The following TMPRSS11A variants were observed in gnomAD, a reference collection of about 807,000 sequenced individuals.
TMPRSS11A encodes transmembrane protease serine 11A.
In TMPRSS11A, 53 loss-of-function variants were observed where a neutral mutation model predicts 58.9. The observed-to-expected ratio is 0.90, with a 90% CI of 0.72 to 1.13. The LOEUF is 1.13. Among genes scored for constraint, TMPRSS11A ranks in the 50% most tolerant of loss-of-function variants. The probability of loss-of-function intolerance (pLI) is 0.00; values close to 1 mark genes in which losing one functional copy is unlikely to be tolerated. For synonymous variants in TMPRSS11A, 167 were observed against 169.8 expected (o/e 0.98, Z 0.13); for missense variants, 493 against 499.3 (o/e 0.99, Z 0.12).
intron 7 of TMPRSS11A, among the ~76,000 whole-genome samples, chr4:67,919,895 T>A (rs1050173859): frequency 1.3e-5 from 2 of 152,002 alleles, no homozygotes; most frequent in Non-Finnish European, 2.9e-5. Context: ...GGGACTAGAT[T>A]TTAGAGTGTT....
intron 4 of TMPRSS11A, among the ~76,000 whole-genome samples, chr4:67,930,456 G>A (rs571962309): frequency 1.3e-5 from 2 of 151,974 alleles, no homozygotes; most frequent in Non-Finnish European, 2.9e-5. Flanking sequence ...TTCTAAAGAG[G>A]CTTGTTTCTC....
At chr4:67,926,684 C>T (rs1720480490) in intron 5 of TMPRSS11A, among the ~76,000 whole-genome samples, 1 of 152,190 alleles carries the variant, frequency 6.6e-6, no homozygotes, top group Admixed American at 6.5e-5. Flanking sequence ...AGAAGGTGGA[C>T]AGTCCTTGGA....
chr4:67,918,912 G>A, intron 8 of TMPRSS11A, 61 bp downstream of exon 8: 1 of 1,571,856 alleles, frequency 6.4e-7, no homozygotes, highest in Non-Finnish European at 8.7e-7. Flanking sequence ...TATTGATGGA[G>A]ATGAAATCAC....
At chr4:67,937,245 T>C (rs1455896692) in intron 3 of TMPRSS11A, among the ~76,000 whole-genome samples, 2 of 152,178 alleles carry the variant, frequency 1.3e-5, no homozygotes, top group Non-Finnish European at 1.5e-5. Context: ...CTTCCAACTA[T>C]AGATTGTTCA....
chr4:67,961,482 CCTTTTTTTTTTTTTTTTTTTT>C (rs774250304), intron 1 of TMPRSS11A, among the ~76,000 whole-genome samples: 44,303 of 102,288 alleles, frequency 0.43, 11,908 homozygotes, highest in Non-Finnish European at 0.5. Flanking sequence ...CTTTTCTTTT[CCTTTTTTTTTTTTTTTTTTTT>C]TTTTTTTTTT....
intron 5 of TMPRSS11A, among the ~76,000 whole-genome samples, chr4:67,928,253 C>T (rs1016424239): frequency 1.2e-4 from 19 of 152,128 alleles, no homozygotes; most frequent in African/African-American, 3.9e-4. Flanking sequence ...ACCATATTGG[C>T]CAGGCTGGTC....
chr4:67,958,681 G>C (rs1213351087), intron 1 of TMPRSS11A, among the ~76,000 whole-genome samples: 1 of 152,138 alleles, frequency 6.6e-6, no homozygotes, highest in African/African-American at 2.4e-5. Context: ...TTAAGACTTT[G>C]GATGACTGTT....
At chr4:67,938,938 CTT>C (rs2109755791) in intron 3 of TMPRSS11A, among the ~76,000 whole-genome samples, 1 of 149,992 alleles carries the variant, frequency 6.7e-6, no homozygotes, top group South Asian at 2.2e-4. Flanking sequence ...CTTTTTCTAA[CTT>C]TGTGTGGAAA....
In TMPRSS11A at chr4:67,925,217, C is replaced by A. The variant is rs1208930074; in HGVS notation, c.482-1051G>T. ...AAAGTGAGGAGTTTGACTAAGGAAA[C>A]ACAAATATTTAAACTTGTATACATG... On this transcript the variant is annotated intron_variant, in intron 5 of 9. Coordinates refer to ENST00000508048, the MANE Select transcript of TMPRSS11A (RefSeq NM_001114387.2). 6.6e-5 allele frequency among the ~76,000 whole-genome samples: 10 copies of A among 152,142 alleles called. No homozygotes were observed. In the East Asian group the frequency reaches 1.9e-3, roughly 29 times the overall value.
At chr4:67,925,379 T>A (rs1215907433) in intron 5 of TMPRSS11A, among the ~76,000 whole-genome samples, 2 of 152,210 alleles carry the variant, frequency 1.3e-5, no homozygotes, top group Non-Finnish European at 2.9e-5. Flanking sequence ...CTTAGCTTAT[T>A]GAGCAGATGA....
chr4:67,953,314 G>C (rs1721207673), intron 1 of TMPRSS11A, among the ~76,000 whole-genome samples: 1 of 152,006 alleles, frequency 6.6e-6, no homozygotes, highest in African/African-American at 2.4e-5. Context: ...GCCTTTAATG[G>C]TTTCAAATGA....
At chr4:67,917,217 T>C (rs1198625065) in intron 8 of TMPRSS11A, among the ~76,000 whole-genome samples, 1 of 152,140 alleles carries the variant, frequency 6.6e-6, no homozygotes, top group Non-Finnish European at 1.5e-5. Context: ...AACTTAATTA[T>C]TGATTTGATA....
At chr4:67,934,220 T>C (rs1355351399) in intron 3 of TMPRSS11A, among the ~76,000 whole-genome samples, 2 of 152,182 alleles carry the variant, frequency 1.3e-5, no homozygotes, top group African/African-American at 2.4e-5. Flanking sequence ...GACAACGCTT[T>C]GAGAAATGGG....
intron 5 of TMPRSS11A, among the ~76,000 whole-genome samples, chr4:67,924,413 C>T (rs1470331572): frequency 2.0e-5 from 3 of 152,172 alleles, no homozygotes; most frequent in African/African-American, 7.2e-5. Context: ...TAGTGGATGA[C>T]TAAAGCCCAC....
intron 1 of TMPRSS11A, among the ~76,000 whole-genome samples, chr4:67,957,110 A>G (rs1245168507): frequency 1.3e-5 from 2 of 152,184 alleles, no homozygotes; most frequent in African/African-American, 4.8e-5. Flanking sequence ...CTGTGAGTCC[A>G]TTAGACCTCT....
At chr4:67,961,662 G>A (rs1428388392) in intron 1 of TMPRSS11A, among the ~76,000 whole-genome samples, 4 of 151,572 alleles carry the variant, frequency 2.6e-5, no homozygotes, top group East Asian at 1.9e-4. Flanking sequence ...AGGTGCATGC[G>A]CCACCATGCC....
intron 7 of TMPRSS11A, among the ~76,000 whole-genome samples, chr4:67,920,230 CT>C (rs1267632182): frequency 6.6e-6 from 1 of 151,990 alleles, no homozygotes; most frequent in Non-Finnish European, 1.5e-5. Context: ...GTGTTTTATA[CT>C]TAAGGAAAAT....
chr4:67,944,699 A>T lies in TMPRSS11A; in HGVS notation c.134-62T>A, dbSNP rs1720960750. ...TGGACAAAGATTTCAGAACTCAATT[A>T]CAATGGGGCCAATATAAATCTTGAA... On this transcript the variant is annotated intron_variant, in intron 2 of 9. Coordinates refer to ENST00000508048, the MANE Select transcript of TMPRSS11A (RefSeq NM_001114387.2). The T allele has an allele frequency of 4.2e-6, 6 of 1,416,220 alleles. No individual in the cohort carries two copies. The South Asian group carries it at 7.4e-5, about 18-fold the overall frequency. The allele number at this position is 1,416,220 out of a possible 1,614,324, so 87.7% of individuals were successfully genotyped here. A position where few individuals can be genotyped will look rare whatever the true frequency, so the allele number is the denominator to read the frequency against.
chr4:67,948,758 G>T (rs940473617), intron 1 of TMPRSS11A, among the ~76,000 whole-genome samples: 1 of 152,102 alleles, frequency 6.6e-6, no homozygotes, highest in South Asian at 2.1e-4. Flanking sequence ...CCTCCTAAAT[G>T]GCTTAAAACA....
Sources: gnomAD v4.1 joint callset for allele counts (sites outside exome capture counted in the v4.1 genomes callset) on GRCh38, gnomAD v4.1.1 for gene constraint, MANE v1.5 for transcripts, NCBI Gene and HGNC (gene_info 2026-07-23, HGNC 2026-07-21) for gene names.